The following FBN3 variants were observed in gnomAD, a reference collection of about 807,000 sequenced individuals.
The protein encoded by FBN3 is fibrillin-3.
In FBN3, 234 loss-of-function variants were observed where a neutral mutation model predicts 330.1. The observed-to-expected ratio is 0.71, with a 90% CI of 0.64 to 0.79. The LOEUF (loss-of-function observed/expected upper bound fraction) is 0.79, where lower values mean the gene tolerates loss of function less well. Ranked by LOEUF, FBN3 falls within the 30% of genes least tolerant of loss-of-function variation. The pLI is 0.00. For synonymous variants in FBN3, 1,458 were observed against 1,517.3 expected (o/e 0.96, Z 0.91); for missense variants, 3,606 against 3,886.9 (o/e 0.93, Z 1.92).
chr19:8,097,279 G>A lies in FBN3; in HGVS notation c.5287+10C>T. On this transcript the variant is annotated intron_variant, in intron 42 of 63. Coordinates refer to ENST00000600128, the MANE Select transcript of FBN3 (RefSeq NM_032447.5). ...CAGGCCCCAGGGCTGGGAACAGGGA[G>A]AGGTGGCACCTTCACAAGCCAGCAG... 1 of 1,600,658 alleles carries A rather than the reference G, an allele frequency of 6.2e-7. No individual in the cohort carries two copies. Among genetic ancestry groups the A allele is most frequent in the Non-Finnish European group, 8.5e-7 (1 of 1,170,142 alleles).
At chr19:8,123,413 C>A in intron 24 of FBN3, 51 bp downstream of exon 24, 1 of 1,592,904 alleles carries the variant, frequency 6.3e-7, no homozygotes, top group Non-Finnish European at 8.6e-7. Context: ...TTTGAGGCCC[C>A]TATCCCTGCC....
Position 8,111,695 on chromosome 19 carries a change from C to T in FBN3, c.4037G>A (p.Arg1346His), listed in dbSNP as rs373500364. The T allele has an allele frequency of 2.1e-5, 34 of 1,612,072 alleles. No homozygotes were observed. Among genetic ancestry groups the T allele is most frequent in the Admixed American group, 1.8e-4 (11 of 59,890 alleles). Reference protein sequence around the residue: ...GDCLNVPGSYRCTCRQGFAGD... With the variant: ...GDCLNVPGSYHCTCRQGFAGD... ...GGCAAAGCCCTGGCGGCAGGTGCAG[C>T]GGTAGGAGCCAGGGACATTGAGACA... The change falls in exon 32 of 64, where the codon CGC becomes CAC. Residue 1346 changes from arginine (R) to histidine (H), a missense_variant. Physicochemically the swap from Arg to His is conservative, Grantham distance 29 (BLOSUM62 0). Transcript: ENST00000600128.
intron 47 of FBN3, 135 bp from the exon 48 acceptor site, chr19:8,091,725 C>T: frequency 1.1e-6 from 1 of 933,490 alleles, no homozygotes; most frequent in South Asian, 1.6e-5. Flanking sequence ...GTCCTGAGAG[C>T]TCAGTATGAG....
intron 16 of FBN3, among the ~76,000 whole-genome samples, chr19:8,130,188 G>A (rs955698912): frequency 2.0e-5 from 3 of 151,610 alleles, no homozygotes; most frequent in South Asian, 4.2e-4. Context: ...GTGAGCCACC[G>A]CATCTGGCCA....
chr19:8,066,023 C>G lies in FBN3; in HGVS notation c.8326G>C (p.Glu2776Gln), dbSNP rs1481326876. Residue 2776 changes from glutamate to glutamine, a missense_variant, in exon 64 of 64, where the codon GAG (glutamate) becomes CAG (glutamine). Transcript: ENST00000600128. ...RRPGPGTYRL[E>Q]VVSHMAGPWG... ...GGTCCTGCCATGTGGCTCACCACCTCCAGCCGGTAGGTTCCAGGCCCCGGC... is the reference window on the plus strand; with the variant it reads ...GGTCCTGCCATGTGGCTCACCACCTGCAGCCGGTAGGTTCCAGGCCCCGGC... 1 of 1,613,096 alleles carries G rather than the reference C, an allele frequency of 6.2e-7. No homozygotes were observed. Among genetic ancestry groups the G allele is most frequent in the South Asian group, 1.1e-5 (1 of 91,082 alleles).
At chr19:8,094,244 G>T in intron 47 of FBN3, among the ~76,000 whole-genome samples, 1 of 152,218 alleles carries the variant, frequency 6.6e-6, no homozygotes, top group East Asian at 1.9e-4. Context: ...TCATGAGGAA[G>T]CCTGTGGGCA....
intron 18 of FBN3, among the ~76,000 whole-genome samples, chr19:8,127,619 G>A (rs970336905): frequency 2.0e-5 from 3 of 152,184 alleles, no homozygotes; most frequent in Non-Finnish European, 2.9e-5. Context: ...TTCTCCTCGG[G>A]CTTGATCATC....
chr19:8,131,459 C>T lies in FBN3; in HGVS notation c.1990+95G>A. The T allele has an allele frequency of 6.6e-7, 1 of 1,505,578 alleles. No homozygotes were observed. The highest frequency in any genetic ancestry group is 9.0e-7 in the Non-Finnish European group (1 of 1,106,612). The allele number at this position is 1,505,578 out of a possible 1,614,324, so 93.3% of individuals were successfully genotyped here. A position where few individuals can be genotyped will look rare whatever the true frequency, so the allele number is the denominator to read the frequency against. On this transcript the variant is annotated intron_variant, in intron 15 of 63. Transcript: ENST00000600128. This position sits in a 1 kb window ranked among gnomAD's most constrained non-coding sequence, Gnocchi z 4.5. ...TCAGCCTCTTTTTGGGAAGAGCCCCCACTCCATGGCAGCCATGACCCCCCA... is the reference window on the plus strand; with the variant it reads ...TCAGCCTCTTTTTGGGAAGAGCCCCTACTCCATGGCAGCCATGACCCCCCA...
rs2081563627 is a variant in FBN3 at position 8,073,208 on chromosome 19, C to A, written c.7792G>T (p.Gly2598Cys). 1.9e-6 allele frequency: 3 copies of A among 1,613,964 alleles called. No homozygotes were observed. The highest frequency in any genetic ancestry group is 2.5e-6 in the Non-Finnish European group (3 of 1,180,030). The change falls in exon 62 of 64, where the codon GGC becomes TGC. Residue 2598 changes from glycine to cysteine, a missense_variant. Coordinates refer to ENST00000600128, the MANE Select transcript of FBN3 (RefSeq NM_032447.5). The stretch of plus-strand genomic sequence containing the variant: ...CCGAGGGCCTGATCAAAGTCAAAGC[C>A]AGAGGGGCAGACGCAGCGGAAGCCA... ...LGGFRCVCPS[G>C]FDFDQALGGC... is the part of the protein sequence containing the mutation.
chr19:8,085,334 C>G, intron 56 of FBN3, 29 bp downstream of exon 56: 1 of 1,544,806 alleles, frequency 6.5e-7, no homozygotes, highest in Non-Finnish European at 8.7e-7. Context: ...TCTTGCCTCC[C>G]TGGGGGTCCT....
At chr19:8,089,323 A>G (rs184563174) in intron 51 of FBN3, among the ~76,000 whole-genome samples, 244 of 152,312 alleles carry the variant, frequency 1.6e-3, no homozygotes, top group African/African-American at 5.6e-3. Context: ...GTGAATGAGT[A>G]AATGAATAAG....
At position 8,136,433 on chromosome 19, in the gene FBN3, C is replaced by G. The variant is rs141471683; in HGVS notation, c.1300G>C (p.Glu434Gln). The change falls in exon 11 of 64, where the codon GAG becomes CAG. Residue 434 changes from glutamate to glutamine, a missense_variant. Transcript: ENST00000600128. ...TCCTGGGTGTAGCCCACGTTACACTCGCAGCGGTAGCTGGAAGGCGTGGGC... is the reference window on the plus strand; with the variant it reads ...TCCTGGGTGTAGCCCACGTTACACTGGCAGCGGTAGCTGGAAGGCGTGGGC... ...CLPTPSSYRC[E>Q]CNVGYTQDVR... The G allele has an allele frequency of 6.2e-7, 1 of 1,614,170 alleles. No homozygotes were observed. Among genetic ancestry groups the G allele is most frequent in the Non-Finnish European group, 8.5e-7 (1 of 1,180,020 alleles).
In FBN3 at chr19:8,096,399, C is replaced by A; in HGVS notation, c.5539+45G>T. 6.3e-7 allele frequency: 1 copy of A among 1,591,556 alleles called. No homozygotes were observed. On this transcript the variant is annotated intron_variant, in intron 44 of 63. Coordinates refer to ENST00000600128, the MANE Select transcript of FBN3 (RefSeq NM_032447.5). This position sits in a 1 kb window ranked among gnomAD's most constrained non-coding sequence, Gnocchi z 4.6. ...TTCCATCCCAGGGGAGGTTTAGACCCCAGGCAGCCTGGCTTGAAAAGGAGG... is the reference window on the plus strand; with the variant it reads ...TTCCATCCCAGGGGAGGTTTAGACCACAGGCAGCCTGGCTTGAAAAGGAGG...
rs756693678 is a variant in FBN3 at position 8,129,236 on chromosome 19, T to A, written c.2170+4A>T. 6.2e-7 allele frequency: 1 copy of A among 1,613,906 alleles called. No homozygotes were observed. Among genetic ancestry groups the A allele is most frequent in the South Asian group, 1.1e-5 (1 of 91,058 alleles). ...CACATCCGCCCGCCAGGTGGCATGC[T>A]CACCTGTGCAGTCCTTGCCTGAGGC... On this transcript the variant is annotated splice_donor_region_variant and intron_variant, in intron 17 of 63. Coordinates refer to ENST00000600128, the MANE Select transcript of FBN3 (RefSeq NM_032447.5). This position sits in a 1 kb window ranked among gnomAD's most constrained non-coding sequence, Gnocchi z 4.5.
chr19:8,097,295 A>C lies in FBN3; in HGVS notation c.5281T>G (p.Cys1761Gly). ...GFNYNSILLACEDVDECGSRE... is the reference protein window; with the variant it reads ...GFNYNSILLAGEDVDECGSRE... ...GAACAGGGAGAGGTGGCACCTTCAC[A>C]AGCCAGCAGGATGCTGTTGTAGTTG... The change falls in exon 42 of 64, where the codon TGT becomes GGT. Residue 1761 changes from cysteine (C) to glycine (G), a missense_variant. Physicochemically the swap from Cys to Gly is radical, Grantham distance 159. Transcript: ENST00000600128. 1 of 1,604,586 alleles carries C rather than the reference A, an allele frequency of 6.2e-7. No individual in the cohort carries two copies. The highest frequency in any genetic ancestry group is 8.5e-7 in the Non-Finnish European group (1 of 1,172,832).
At chr19:8,135,633 C>T (rs1028191785) in intron 13 of FBN3, among the ~76,000 whole-genome samples, 4 of 151,780 alleles carry the variant, frequency 2.6e-5, no homozygotes, top group African/African-American at 9.7e-5. Context: ...TCACAGCTCA[C>T]TGCAGCCTCA....
At chr19:8,135,936 G>GGGGGGGGGGGGGGGGCGCCCCCCCC in intron 13 of FBN3, 25 bp downstream of exon 13, 2 of 668,778 alleles carry the variant, frequency 3.0e-6, no homozygotes, top group Non-Finnish European at 4.8e-6. Flanking sequence ...GGAAGCCCCT[G>GGGGGGGGGGGGGGGGCGCCCCCCCC]CCCACCCGCC....
intron 13 of FBN3, 124 bp from the exon 14 acceptor site, chr19:8,133,230 G>A: frequency 2.5e-6 from 3 of 1,215,154 alleles, no homozygotes; most frequent in Non-Finnish European, 3.3e-6. Context: ...CAAACAAGCT[G>A]TGGTTGTCTG....
At position 8,141,994 on chromosome 19, in the gene FBN3, G is replaced by A. The variant is rs376419533; in HGVS notation, c.685C>T (p.Pro229Ser). The change falls in exon 7 of 64, where the codon CCA (proline) becomes TCA (serine). Residue 229 changes from proline to serine, a missense_variant. Coordinates refer to ENST00000600128, the MANE Select transcript of FBN3 (RefSeq NM_032447.5). ...ATGAAGCCGCGGCGGCAGGGGTGTG[G>A]CTGTGCAGGGCAAAGTTCACATGGA... Reference protein sequence around the residue: ...GLPCELCPAQPHPCRRGFIPN... With the variant: ...GLPCELCPAQSHPCRRGFIPN... 1.2e-6 allele frequency: 2 copies of A among 1,614,248 alleles called. No homozygotes were observed. The highest frequency in any genetic ancestry group is 1.7e-6 in the Non-Finnish European group (2 of 1,180,046).
Sources: allele counts gnomAD v4.1 joint callset (sites outside exome capture counted in the v4.1 genomes callset), GRCh38; gene constraint gnomAD v4.1.1; non-coding constraint Gnocchi (gnomAD v3.1); transcripts MANE v1.5; gene names NCBI Gene and HGNC (gene_info 2026-07-23, HGNC 2026-07-21).